Variants in PRPF3 observed in about 807,000 individuals in gnomAD.
The protein encoded by PRPF3 is pre-mRNA processing factor 3, also known as U4/U6 small nuclear ribonucleoprotein Prp3.
In PRPF3, 3 loss-of-function variants were observed where a neutral mutation model predicts 89.2. The observed-to-expected ratio is 0.03, with a 90% CI of 0.02 to 0.09. PRPF3 has a LOEUF of 0.09. Ranked by LOEUF, PRPF3 falls within the 10% of genes least tolerant of loss-of-function variation. PRPF3 has a pLI of 1.00. For missense variants in PRPF3, 463 were observed against 828.8 expected (o/e 0.56, Z 5.42); for synonymous variants, 270 against 289.1 (o/e 0.93, Z 0.67).
At chr1:150,343,206 C>A in intron 9 of PRPF3, 103 bp from the exon 10 acceptor site, 1 of 699,446 alleles carries the variant, frequency 1.4e-6, no homozygotes, top group Non-Finnish European at 1.9e-6. Flanking sequence ...CGTGCCATTG[C>A]ACTCCAACCT....
chr1:150,350,412 G>A (rs943894543), intron 15 of PRPF3, among the ~76,000 whole-genome samples: 2 of 151,596 alleles, frequency 1.3e-5, no homozygotes, highest in Non-Finnish European at 2.9e-5. Flanking sequence ...TATTGGTCAA[G>A]CTGGTCTCGA....
At chr1:150,350,960 TAAAAA>T (rs781790248) in intron 15 of PRPF3, among the ~76,000 whole-genome samples, 1 of 126,352 alleles carries the variant, frequency 7.9e-6, no homozygotes, top group Non-Finnish European at 1.7e-5. Context: ...AACCCTGTCT[TAAAAA>T]AAAAAAAGAA....
chr1:150,324,300 T>A (rs1655452757), intron 1 of PRPF3, among the ~76,000 whole-genome samples: 1 of 152,208 alleles, frequency 6.6e-6, no homozygotes, highest in Non-Finnish European at 1.5e-5. Flanking sequence ...CTTGTTGATA[T>A]GACAGGATCA....
At chr1:150,337,796 C>T (rs1309201285) in intron 7 of PRPF3, among the ~76,000 whole-genome samples, 2 of 151,024 alleles carry the variant, frequency 1.3e-5, no homozygotes, top group African/African-American at 2.4e-5. Flanking sequence ...GGATTCTGGC[C>T]GGGCACAGTG....
At chr1:150,349,013 A>C in intron 14 of PRPF3, 144 bp from the exon 15 acceptor site, 1 of 753,976 alleles carries the variant, frequency 1.3e-6, no homozygotes, top group Non-Finnish European at 2.3e-6. Flanking sequence ...TAATTTGGGG[A>C]AAATAAAGAG....
intron 7 of PRPF3, among the ~76,000 whole-genome samples, chr1:150,335,490 A>G (rs1376284525): frequency 1.3e-5 from 2 of 151,976 alleles, no homozygotes; most frequent in East Asian, 3.9e-4. Flanking sequence ...TTCGAGATGG[A>G]GTGTCGCTCT....
chr1:150,344,507 A>G lies in PRPF3; in HGVS notation c.1600A>G (p.Lys534Glu). Residue 534 changes from lysine (K) to glutamate (E), a missense_variant, in exon 12 of 16, where the codon AAA becomes GAA. Lys to Glu is a moderately conservative substitution (Grantham distance 56, BLOSUM62 1). Coordinates refer to ENST00000324862, the MANE Select transcript of PRPF3 (RefSeq NM_004698.4). ...AAAGGTCAAGAAAATTAAAAAGCTT[A>G]AAGAAGACATTTCACAGGGGGTACA... ...QRKVKKIKKL[K>E]EDISQGVHIS... The G allele has an allele frequency of 1.2e-6, 2 of 1,614,162 alleles. No individual in the cohort carries two copies. Among genetic ancestry groups the G allele is most frequent in the Non-Finnish European group, 1.7e-6 (2 of 1,180,030 alleles).
At chr1:150,338,422 G>A (rs1657281862) in intron 8 of PRPF3, 96 bp downstream of exon 8, 1 of 1,221,308 alleles carries the variant, frequency 8.2e-7, no homozygotes, top group Admixed American at 1.9e-5. Flanking sequence ...TGGTTTTAGT[G>A]GGAAGGATGG....
At position 150,335,625 on chromosome 1, in the gene PRPF3, C is replaced by T. The variant is rs1180947837; in HGVS notation, c.1035+384C>T. On this transcript the variant is annotated intron_variant, in intron 7 of 15. Transcript: ENST00000324862. ...GGATCACAGGCATGTGCCACCACGCCTGGCTAATTTTGTATTTTTGGTGGA... is the reference window on the plus strand; with the variant it reads ...GGATCACAGGCATGTGCCACCACGCTTGGCTAATTTTGTATTTTTGGTGGA... Among the ~76,000 whole-genome samples, 10 of 152,018 alleles carry T rather than the reference C, an allele frequency of 6.6e-5. 1 individual carries two copies. The highest frequency in any genetic ancestry group is 2.4e-4 in the African/African-American group (10 of 41,382).
intron 2 of PRPF3, 120 bp downstream of exon 2, chr1:150,325,207 T>G (rs1655571530): frequency 5.2e-6 from 6 of 1,162,744 alleles, no homozygotes; most frequent in Admixed American, 2.3e-5. Flanking sequence ...ATATTTTATT[T>G]TCACCTGTAT....
chr1:150,349,313 T>C (rs1658651665), intron 15 of PRPF3, 95 bp downstream of exon 15: 1 of 934,584 alleles, frequency 1.1e-6, no homozygotes, highest in African/African-American at 1.6e-5. Flanking sequence ...ATGTAATCAG[T>C]GAATAATGTT....
chr1:150,341,825 T>C (rs1202346406), intron 9 of PRPF3, among the ~76,000 whole-genome samples: 1 of 151,242 alleles, frequency 6.6e-6, no homozygotes, highest in African/African-American at 2.4e-5. Context: ...GGCCTTAGCC[T>C]CCGGAGTAGC....
At chr1:150,341,988 G>A (rs1160380127) in intron 9 of PRPF3, among the ~76,000 whole-genome samples, 2 of 151,978 alleles carry the variant, frequency 1.3e-5, no homozygotes, top group Admixed American at 6.6e-5. Context: ...ACCGGCGTGA[G>A]CCACCGCACC....
chr1:150,349,266 A>G (rs782221075), intron 15 of PRPF3, 48 bp downstream of exon 15: 2 of 1,319,966 alleles, frequency 1.5e-6, no homozygotes, highest in South Asian at 1.2e-5. Flanking sequence ...CAACTCCTGA[A>G]TATTTATACT....
At chr1:150,328,633 A>G (rs1655982253) in intron 4 of PRPF3, among the ~76,000 whole-genome samples, 167 bp downstream of exon 4, 1 of 134,226 alleles carries the variant, frequency 7.5e-6, no homozygotes, top group Admixed American at 9.1e-5. Flanking sequence ...GCTCACTGCA[A>G]CCTCCGCCTC....
chr1:150,324,467 A>G (rs986414738), intron 1 of PRPF3, among the ~76,000 whole-genome samples: 5 of 152,158 alleles, frequency 3.3e-5, no homozygotes, highest in Admixed American at 1.3e-4. Flanking sequence ...TTGCCTTCAA[A>G]TGAGTTGGAA....
At chr1:150,322,673 T>A (rs1427844999) in intron 1 of PRPF3, among the ~76,000 whole-genome samples, 4 of 152,188 alleles carry the variant, frequency 2.6e-5, no homozygotes, top group Admixed American at 2.6e-4. Context: ...AAAGTGAGTC[T>A]ATTTGGCATC....
intron 4 of PRPF3, among the ~76,000 whole-genome samples, chr1:150,331,740 T>C (rs1228012313): frequency 4.6e-5 from 7 of 152,194 alleles, no homozygotes; most frequent in African/African-American, 1.7e-4. Context: ...AAAAATATCT[T>C]GAAGCAGTTT....
rs587635985 is a variant in PRPF3 at position 150,340,582 on chromosome 1, A to G, written c.1282+105A>G. On this transcript the variant is annotated intron_variant, in intron 9 of 15. Transcript: ENST00000324862. ...ATCTATGCTGTTCAATACAATAGCCACTACCCATGTGTAATTCTTTTTTTT... is the reference window on the plus strand; with the variant it reads ...ATCTATGCTGTTCAATACAATAGCCGCTACCCATGTGTAATTCTTTTTTTT... 12 of 860,612 alleles carry G rather than the reference A, an allele frequency of 1.4e-5. No homozygotes were observed. In the South Asian group the frequency reaches 1.4e-4, roughly 10 times the overall value. The allele number at this position is 860,612 out of a possible 1,614,324, so 53.3% of individuals were successfully genotyped here.
Sources: gnomAD v4.1 joint callset for allele counts (sites outside exome capture counted in the v4.1 genomes callset) on GRCh38, gnomAD v4.1.1 for gene constraint, MANE v1.5 for transcripts, NCBI Gene and HGNC (gene_info 2026-07-23, HGNC 2026-07-21) for gene names.